The following SEM1 variants were observed in gnomAD, a reference collection of about 807,000 sequenced individuals.
SEM1 encodes the protein SEM1 26S proteasome subunit.
SEM1 carries 3 observed loss-of-function variants against 12.7 expected under a neutral mutation model. That is an observed-to-expected ratio of 0.24 (90% CI 0.11 to 0.61). The LOEUF is 0.61. Among genes scored for constraint, SEM1 ranks in the 20% least tolerant of loss-of-function variants. The pLI is 0.88. For missense variants in SEM1, 59 were observed against 81.3 expected (o/e 0.73, Z 1.06); for synonymous variants, 30 against 27.8 (o/e 1.08, Z -0.25).
chr7:96,520,317 A>G (rs568059678), intron 2 of SEM1, among the ~76,000 whole-genome samples: 1 of 152,262 alleles, frequency 6.6e-6, no homozygotes, highest in African/African-American at 2.4e-5. Context: ...CTGGGGGCTC[A>G]GTTTTCTCAT....
intron 2 of SEM1, among the ~76,000 whole-genome samples, chr7:96,632,741 G>T (rs1167485364): frequency 4.0e-5 from 6 of 149,496 alleles, no homozygotes; most frequent in African/African-American, 1.2e-4. Flanking sequence ...ATGCTCACCT[G>T]ATTTTTTGTT....
At chr7:96,653,391 C>T (rs1381730957) in intron 2 of SEM1, among the ~76,000 whole-genome samples, 3 of 152,200 alleles carry the variant, frequency 2.0e-5, no homozygotes, top group Non-Finnish European at 2.9e-5. Flanking sequence ...TTGCCTAGCT[C>T]TTGAGTTCAG....
intron 2 of SEM1, among the ~76,000 whole-genome samples, chr7:96,667,862 A>C (rs1789211863): frequency 6.6e-6 from 1 of 152,282 alleles, no homozygotes; most frequent in East Asian, 1.9e-4. Flanking sequence ...CCTGGTTAAA[A>C]TTTCCCATCT....
intron 2 of SEM1, among the ~76,000 whole-genome samples, chr7:96,528,825 T>C (rs1460766801): frequency 6.6e-6 from 1 of 152,130 alleles, no homozygotes; most frequent in African/African-American, 2.4e-5. Flanking sequence ...GAGAGATGTC[T>C]TCTCATCCTA....
At chr7:96,595,040 A>G (rs1806951511) in intron 2 of SEM1, among the ~76,000 whole-genome samples, 1 of 152,182 alleles carries the variant, frequency 6.6e-6, no homozygotes, top group African/African-American at 2.4e-5. Flanking sequence ...GAAATATTAT[A>G]GCTCATATAT....
downstream of SEM1, among the ~76,000 whole-genome samples, chr7:96,687,745 G>A (rs1789805386): frequency 6.6e-6 from 1 of 151,616 alleles, no homozygotes; most frequent in Non-Finnish European, 1.5e-5. Flanking sequence ...TAACTAACCT[G>A]CACATTGTGC....
At chr7:96,522,725 C>A (rs1003984961) in intron 2 of SEM1, among the ~76,000 whole-genome samples, 3 of 119,626 alleles carry the variant, frequency 2.5e-5, no homozygotes, top group African/African-American at 8.5e-5. Context: ...TAAAAATACC[C>A]CCCCCCCAAA....
At chr7:96,485,401 C>T (rs1802711000) in intron 2 of SEM1, among the ~76,000 whole-genome samples, 2 of 151,974 alleles carry the variant, frequency 1.3e-5, no homozygotes, top group Admixed American at 1.3e-4. Context: ...AAGCCCCTCC[C>T]TCAATCCCTC....
At chr7:96,581,353 A>G (rs1032217907) in intron 2 of SEM1, among the ~76,000 whole-genome samples, 1 of 152,126 alleles carries the variant, frequency 6.6e-6, no homozygotes, top group African/African-American at 2.4e-5. Context: ...TACCAGTACC[A>G]TGCTGTTTTG....
chr7:96,651,085 G>A (rs1057433737), intron 2 of SEM1, among the ~76,000 whole-genome samples: 2 of 152,156 alleles, frequency 1.3e-5, no homozygotes, highest in Admixed American at 6.5e-5. Context: ...GAACAGCTTT[G>A]AACTGCACGT....
intron 1 of SEM1, among the ~76,000 whole-genome samples, chr7:96,495,700 C>T (rs537384531): frequency 4.6e-5 from 7 of 152,246 alleles, no homozygotes; most frequent in Admixed American, 2.0e-4. Flanking sequence ...TTCCCCTCTT[C>T]CAAACAAAAG....
intron 2 of SEM1, among the ~76,000 whole-genome samples, chr7:96,674,777 GCT>G (rs1789410169): frequency 6.6e-6 from 1 of 152,170 alleles, no homozygotes; most frequent in African/African-American, 2.4e-5. Flanking sequence ...TGAACCCTGT[GCT>G]GGGCCAGAAA....
At chr7:96,703,780 C>T (rs765520471) in intron 1 of SEM1, among the ~76,000 whole-genome samples, 2 of 151,986 alleles carry the variant, frequency 1.3e-5, no homozygotes, top group Non-Finnish European at 2.9e-5. Flanking sequence ...ACCAAATCTC[C>T]ACAAAAAATT....
At chr7:96,496,627 C>A (rs1803276082), upstream of SEM1, among the ~76,000 whole-genome samples, 1 of 152,164 alleles carries the variant, frequency 6.6e-6, no homozygotes, top group East Asian at 1.9e-4. Flanking sequence ...TCTCCAGGAA[C>A]AATAAATGTC....
chr7:96,584,351 G>A (rs1172163054), intron 2 of SEM1, among the ~76,000 whole-genome samples: 1 of 152,060 alleles, frequency 6.6e-6, no homozygotes, highest in African/African-American at 2.4e-5. Context: ...TTAGTCTGAT[G>A]GGCTTCCCTT....
intron 2 of SEM1, among the ~76,000 whole-genome samples, chr7:96,529,444 G>A (rs1804574012): frequency 6.6e-6 from 1 of 151,994 alleles, no homozygotes; most frequent in Admixed American, 6.6e-5. Flanking sequence ...AAGTACTTTT[G>A]CATATTGTAA....
At chr7:96,535,934 T>A (rs994628091) in intron 2 of SEM1, among the ~76,000 whole-genome samples, 3 of 151,912 alleles carry the variant, frequency 2.0e-5, no homozygotes, top group African/African-American at 7.2e-5. Context: ...AGCACATGTG[T>A]CTTTATGGTA....
At chr7:96,631,665 C>T (rs1269010819) in intron 2 of SEM1, among the ~76,000 whole-genome samples, 1 of 152,160 alleles carries the variant, frequency 6.6e-6, no homozygotes, top group Non-Finnish European at 1.5e-5. Flanking sequence ...ATGAATAAAA[C>T]ACCAAAAGCA....
chr7:96,522,244 T>A (rs1230511280), intron 2 of SEM1, among the ~76,000 whole-genome samples: 1 of 152,110 alleles, frequency 6.6e-6, no homozygotes, highest in Non-Finnish European at 1.5e-5. Context: ...ACCATTATAT[T>A]TGCGTAACTG....
Sources: gnomAD v4.1 joint callset for allele counts (sites outside exome capture counted in the v4.1 genomes callset) on GRCh38, gnomAD v4.1.1 for gene constraint, MANE v1.5 for transcripts, NCBI Gene and HGNC (gene_info 2026-07-23, HGNC 2026-07-21) for gene names.